TTF2: variants seen among roughly 807,000 people sequenced by gnomAD.
TTF2 encodes transcription termination factor 2.
Under a neutral mutation model 142.4 loss-of-function variants are expected in TTF2, and 108 were observed. The ratio of observed to expected loss-of-function variants is 0.76; its 90% CI spans 0.65 to 0.89. The LOEUF (loss-of-function observed/expected upper bound fraction) is 0.89, where lower values mean the gene tolerates loss of function less well. TTF2 is among the 40% of genes least tolerant of loss of function. The pLI is 0.00. For missense variants in TTF2, 1,327 were observed against 1,379.8 expected (o/e 0.96, Z 0.61); for synonymous variants, 483 against 506.2 (o/e 0.95, Z 0.61).
rs754424863 is a variant in TTF2 at position 117,091,863 on chromosome 1, A to G, written c.2718A>G (p.Ala906=). The change falls in exon 17 of 23, where the codon GCA becomes GCG. Residue 906 remains alanine (A), a synonymous_variant. Transcript: ENST00000369466. The part of the protein sequence containing the change: ...GSEEPRHSEA[A]DSPRSSTVHI... ...AGGAGCCTAGACACTCGGAGGCAGC[A>G]GACTCACCGAGATCCAGCACCGTCC... is the stretch of plus-strand genomic sequence containing the variant. The G allele has an allele frequency of 7.4e-6, 12 of 1,611,252 alleles. No homozygotes were observed. The highest frequency in any genetic ancestry group is 9.3e-6 in the Non-Finnish European group (11 of 1,178,858).
chr1:117,064,392 C>T (rs903265387), intron 3 of TTF2, among the ~76,000 whole-genome samples: 3 of 152,148 alleles, frequency 2.0e-5, no homozygotes. Flanking sequence ...CTCAGCTACT[C>T]GGGAGGCTCA....
In TTF2 at chr1:117,091,363, GT is replaced by G. The variant is rs1381147685; in HGVS notation, c.2625del (p.Ser875ArgfsTer47). 4 of 1,613,380 alleles carry G rather than the reference GT, an allele frequency of 2.5e-6. No homozygotes were observed. The Admixed American group carries it at 5.0e-5, about 20-fold the overall frequency. The part of the protein sequence containing the change: ...ALQSYLKRHE[S>X]RGNQSGRSPN... Reference sequence around the variant, plus strand: ...CAATCCTATCTAAAAAGACATGAAAGTAGAGGCAACCAATCTGGAAGAAGCC... The same window carrying G: ...CAATCCTATCTAAAAAGACATGAAAGAGAGGCAACCAATCTGGAAGAAGCC... On this transcript the variant is annotated frameshift_variant, in exon 16 of 23. Coordinates refer to ENST00000369466, the MANE Select transcript of TTF2 (RefSeq NM_003594.4). LOFTEE classifies it high-confidence loss of function.
intron 3 of TTF2, among the ~76,000 whole-genome samples, chr1:117,066,475 C>T (rs1656139282): frequency 6.6e-6 from 1 of 152,082 alleles, no homozygotes; most frequent in Non-Finnish European, 1.5e-5. Flanking sequence ...GAATATTGCT[C>T]ACATGGCCCT....
Position 117,086,317 on chromosome 1 carries a change from C to T in TTF2, c.2055-100C>T, listed in dbSNP as rs1017790205. 2 of 764,368 alleles carry T rather than the reference C, an allele frequency of 2.6e-6. No homozygotes were observed. Among genetic ancestry groups the T allele is most frequent in the Non-Finnish European group, 4.5e-6 (2 of 447,950 alleles). 47.3% of individuals were successfully genotyped at this position (764,368 alleles called of 1,614,324 possible). On this transcript the variant is annotated intron_variant, in intron 11 of 22. Coordinates refer to ENST00000369466, the MANE Select transcript of TTF2 (RefSeq NM_003594.4). This position sits in a 1 kb window ranked among gnomAD's most constrained non-coding sequence, Gnocchi z 4.2. ...AAGTTAATGAGTTCTGCTGTTTGTC[C>T]TTCCATTTGTAGGCATTTTTATTGA...
chr1:117,096,173 C>G lies in TTF2; in HGVS notation c.3060C>G (p.Asn1020Lys). ...QKSVIVSQWT[N>K]MLKVVALHLK... Reference sequence around the variant, plus strand: ...GTGTCATTGTCTCTCAGTGGACCAACATGCTGAAAGTTGTAGCATTGCACC... The same window carrying G: ...GTGTCATTGTCTCTCAGTGGACCAAGATGCTGAAAGTTGTAGCATTGCACC... Residue 1020 changes from asparagine (N) to lysine (K), a missense_variant, in exon 20 of 23, where the codon AAC becomes AAG. Physicochemically the swap from Asn to Lys is moderately conservative, Grantham distance 94. Transcript: ENST00000369466. 3.7e-6 allele frequency: 6 copies of G among 1,614,060 alleles called. No individual in the cohort carries two copies. Among genetic ancestry groups the G allele is most frequent in the Non-Finnish European group, 5.1e-6 (6 of 1,180,000 alleles).
chr1:117,074,884 AGAACAT>A lies in TTF2; in HGVS notation c.301_306del (p.Glu101_His102del). ...TTTGTCTTTAGGATCCTGATTCCAA[AGAACAT>A]TCTGTATCCAATAAGTCTCAGCATG... is the stretch of plus-strand genomic sequence containing the variant. On this transcript the variant is annotated inframe_deletion, in exon 5 of 23. Transcript: ENST00000369466. The A allele has an allele frequency of 1.3e-6, 2 of 1,571,596 alleles. No homozygotes were observed. The highest frequency in any genetic ancestry group is 1.7e-6 in the Non-Finnish European group (2 of 1,164,452).
At position 117,080,794 on chromosome 1, in the gene TTF2, G is replaced by A. The variant is rs555256869; in HGVS notation, c.1784-1034G>A. ...AAAAGTCACAGGGGCAGAATCCAGG[G>A]GAAACCAGGTACAAGCTTCCAGTGT... On this transcript the variant is annotated intron_variant, in intron 9 of 22. Coordinates refer to ENST00000369466, the MANE Select transcript of TTF2 (RefSeq NM_003594.4). The surrounding 1 kb of genome is among the most constrained non-coding windows in gnomAD (Gnocchi z 4.3). Among the ~76,000 whole-genome samples the A allele has an allele frequency of 3.3e-5, 5 of 152,288 alleles. No homozygotes were observed. The East Asian group carries it at 9.6e-4, about 29-fold the overall frequency.
Position 117,089,694 on chromosome 1 carries a change from G to GA in TTF2, c.2343-354dup, listed in dbSNP as rs530160639. On this transcript the variant is annotated intron_variant, in intron 13 of 22. Coordinates refer to ENST00000369466, the MANE Select transcript of TTF2 (RefSeq NM_003594.4). ...ACAGAGCAAGACCTCAGTCTCTAAAGAAAAAAATTAAAAATAAAATACTTA... is the reference window on the plus strand; with the variant it reads ...ACAGAGCAAGACCTCAGTCTCTAAAGAAAAAAAATTAAAAATAAAATACTTA... 7.9e-3 allele frequency among the ~76,000 whole-genome samples: 1,202 copies of GA among 151,948 alleles called. 18 individuals are homozygous for GA. The highest frequency in any genetic ancestry group is 0.028 in the African/African-American group (1,145 of 41,462).
In TTF2 at chr1:117,080,128, C is replaced by G. The variant is rs1215685634; in HGVS notation, c.1783+479C>G. Among the ~76,000 whole-genome samples, 7 of 151,916 alleles carry G rather than the reference C, an allele frequency of 4.6e-5. No individual in the cohort carries two copies. The highest frequency in any genetic ancestry group is 2.1e-4 in the South Asian group (1 of 4,818). On this transcript the variant is annotated intron_variant, in intron 9 of 22. Coordinates refer to ENST00000369466, the MANE Select transcript of TTF2 (RefSeq NM_003594.4). This position sits in a 1 kb window ranked among gnomAD's most constrained non-coding sequence, Gnocchi z 4.3. ...AAGTTCAAGTGATTCTCCTGCCTCA[C>G]CCTCCCCAGTAGCTGGGATTACAGG... is the stretch of plus-strand genomic sequence containing the variant.
intron 19 of TTF2, among the ~76,000 whole-genome samples, chr1:117,095,863 T>C (rs181058119): frequency 1.3e-5 from 2 of 152,324 alleles, no homozygotes; most frequent in Admixed American, 1.3e-4. Context: ...GGATGAGCAC[T>C]AGGACCCCAA....
In TTF2 at chr1:117,063,676, C is replaced by CT. The variant is rs965670600; in HGVS notation, c.218+1211dup. On this transcript the variant is annotated intron_variant, in intron 3 of 22. Coordinates refer to ENST00000369466, the MANE Select transcript of TTF2 (RefSeq NM_003594.4). The surrounding 1 kb of genome is among the most constrained non-coding windows in gnomAD (Gnocchi z 4.1). Reference sequence around the variant, plus strand: ...ACGTTATCTGTTTAAATATTTTATCCTTTTTTTTGCATTGAAATTTTTATC... The same window carrying CT: ...ACGTTATCTGTTTAAATATTTTATCCTTTTTTTTTGCATTGAAATTTTTATC... Among the ~76,000 whole-genome samples, 3 of 151,870 alleles carry CT rather than the reference C, an allele frequency of 2.0e-5. No homozygotes were observed. Among genetic ancestry groups the CT allele is most frequent in the Admixed American group, 1.3e-4 (2 of 15,242 alleles).
Position 117,073,565 on chromosome 1 carries a change from A to G in TTF2, c.219-96A>G. The G allele has an allele frequency of 8.0e-7, 1 of 1,245,936 alleles. No homozygotes were observed. The allele number at this position is 1,245,936 out of a possible 1,614,324, so 77.2% of individuals were successfully genotyped here. On this transcript the variant is annotated intron_variant, in intron 3 of 22. Coordinates refer to ENST00000369466, the MANE Select transcript of TTF2 (RefSeq NM_003594.4). This position sits in a 1 kb window ranked among gnomAD's most constrained non-coding sequence, Gnocchi z 4.4. Reference sequence around the variant, plus strand: ...AGTGACCTCCCAAAGCCAGGTTCAAATAGTTGCAAGATGTTTTCTTGGATT... The same window carrying G: ...AGTGACCTCCCAAAGCCAGGTTCAAGTAGTTGCAAGATGTTTTCTTGGATT...
At position 117,091,898 on chromosome 1, in the gene TTF2, C is replaced by G. The variant is rs775723784; in HGVS notation, c.2753C>G (p.Ser918Cys). ...AGATCCAGCACCGTCCACATACTGT[C>G]CCAGTTGCTGAGACTCCGCCAGTGT... ...SPRSSTVHIL[S>C]QLLRLRQCCC... Residue 918 changes from serine (S) to cysteine (C), a missense_variant, in exon 17 of 23, where the codon TCC (serine) becomes TGC (cysteine). Coordinates refer to ENST00000369466, the MANE Select transcript of TTF2 (RefSeq NM_003594.4). The G allele has an allele frequency of 2.5e-6, 4 of 1,613,482 alleles. No individual in the cohort carries two copies. In the Admixed American group the frequency reaches 6.7e-5, roughly 27 times the overall value.
intron 3 of TTF2, among the ~76,000 whole-genome samples, chr1:117,064,855 G>A (rs1158206966): frequency 1.4e-5 from 2 of 146,120 alleles, no homozygotes; most frequent in Non-Finnish European, 3.0e-5. Context: ...TTTTTTAGTA[G>A]CTTTTTCATA....
Position 117,076,829 on chromosome 1 carries a change from A to C in TTF2, c.1573+6A>C. 6.2e-7 allele frequency: 1 copy of C among 1,608,668 alleles called. No individual in the cohort carries two copies. Among genetic ancestry groups the C allele is most frequent in the African/African-American group, 1.3e-5 (1 of 74,864 alleles). ...ATCCAGTCAGTGCTATCGAGGTAAGACCCAAGGGCCTGACCCTGCTGTGAA... is the reference window on the plus strand; with the variant it reads ...ATCCAGTCAGTGCTATCGAGGTAAGCCCCAAGGGCCTGACCCTGCTGTGAA... On this transcript the variant is annotated splice_donor_region_variant and intron_variant, in intron 7 of 22. Transcript: ENST00000369466. This position sits in a 1 kb window ranked among gnomAD's most constrained non-coding sequence, Gnocchi z 4.6.
In TTF2 at chr1:117,060,462, C is replaced by T; in HGVS notation, c.36C>T (p.Phe12=). ...EEVRCPEHGT[F]CFLKTGVRDG... is the part of the protein sequence containing the mutation. ...ACTTTCTTCTCTCTTCAGGGACTTTCTGCTTTCTTAAGACCGGCGTCCGCG... is the reference window on the plus strand; with the variant it reads ...ACTTTCTTCTCTCTTCAGGGACTTTTTGCTTTCTTAAGACCGGCGTCCGCG... Residue 12 remains phenylalanine, a synonymous_variant, in exon 2 of 23, where the codon TTC becomes TTT. Transcript: ENST00000369466. 6.2e-7 allele frequency: 1 copy of T among 1,613,816 alleles called. No individual in the cohort carries two copies. The highest frequency in any genetic ancestry group is 8.5e-7 in the Non-Finnish European group (1 of 1,179,802).
At chr1:117,060,619 C>G (rs1443084145) in intron 2 of TTF2, 62 bp downstream of exon 2, 1 of 1,493,304 alleles carries the variant, frequency 6.7e-7, no homozygotes, top group Non-Finnish European at 9.0e-7. Flanking sequence ...AGGAGCTTCC[C>G]GCTCCCCGCT....
In TTF2 at chr1:117,086,447, C is replaced by T; in HGVS notation, c.2085C>T (p.Thr695=). The change falls in exon 12 of 23, where the codon ACC becomes ACT. Residue 695 remains threonine, a synonymous_variant. Transcript: ENST00000369466. The surrounding 1 kb of genome is among the most constrained non-coding windows in gnomAD (Gnocchi z 4.2). Reference sequence around the variant, plus strand: ...CTACATATGACATCGTGATCACTACCTATAGCCTCGTGGCCAAGGAGATTC... The same window carrying T: ...CTACATATGACATCGTGATCACTACTTATAGCCTCGTGGCCAAGGAGATTC... The part of the protein sequence containing the change: ...VLSTYDIVIT[T]YSLVAKEIPT... The T allele has an allele frequency of 6.2e-7, 1 of 1,614,112 alleles. No homozygotes were observed. The highest frequency in any genetic ancestry group is 2.2e-5 in the East Asian group (1 of 44,878).
Position 117,075,913 on chromosome 1 carries a change from C to T in TTF2, c.1275+54C>T. On this transcript the variant is annotated intron_variant, in intron 5 of 22. Coordinates refer to ENST00000369466, the MANE Select transcript of TTF2 (RefSeq NM_003594.4). This position sits in a 1 kb window ranked among gnomAD's most constrained non-coding sequence, Gnocchi z 4.5. ...AGGTCAGAGCATTGCTTGTTATGGGCAGATATGAGATCTCATTGCTACAGA... is the reference window on the plus strand; with the variant it reads ...AGGTCAGAGCATTGCTTGTTATGGGTAGATATGAGATCTCATTGCTACAGA... 6.5e-7 allele frequency: 1 copy of T among 1,541,666 alleles called. No individual in the cohort carries two copies. Among genetic ancestry groups the T allele is most frequent in the Non-Finnish European group, 8.7e-7 (1 of 1,151,006 alleles).
Sources: gnomAD v4.1 joint callset for allele counts (sites outside exome capture counted in the v4.1 genomes callset) on GRCh38, gnomAD v4.1.1 for gene constraint, Gnocchi (gnomAD v3.1) non-coding constraint, MANE v1.5 for transcripts, NCBI Gene and HGNC (gene_info 2026-07-23, HGNC 2026-07-21) for gene names.